The following GPR137B variants were observed in gnomAD, a reference collection of about 807,000 sequenced individuals.
GPR137B encodes the protein G protein-coupled receptor 137B.
In GPR137B, 42 loss-of-function variants were observed where a neutral mutation model predicts 42.5. The observed-to-expected ratio is 0.99, with a 90% confidence interval of 0.77 to 1.28. GPR137B has a LOEUF of 1.28. GPR137B is among the 50% of genes most tolerant of loss of function. The pLI, the probability that GPR137B is intolerant of heterozygous loss-of-function variation, is 0.00. For missense variants in GPR137B, 487 were observed against 493.9 expected, an observed-to-expected ratio of 0.99 and a Z score of 0.13; for synonymous variants, 218 against 209.7, an observed-to-expected ratio of 1.04 and a Z score of -0.34.
chr1:236,172,686 CCT>C (rs1491328021), intron 2 of GPR137B, among the ~76,000 whole-genome samples: 23 of 147,462 alleles, frequency 1.6e-4, no homozygotes, highest in Admixed American at 4.7e-4. Context: ...GCCAGGTTTT[CCT>C]TTTTTTTTTT....
At chr1:236,154,171 C>T (rs758091445) in intron 1 of GPR137B, among the ~76,000 whole-genome samples, 2 of 152,182 alleles carry the variant, frequency 1.3e-5, no homozygotes, top group East Asian at 1.9e-4. Flanking sequence ...CCCCAGACTC[C>T]GTGTCCTCCT....
At chr1:236,170,602 G>C (rs1455522245) in intron 2 of GPR137B, among the ~76,000 whole-genome samples, 1 of 152,198 alleles carries the variant, frequency 6.6e-6, no homozygotes, top group African/African-American at 2.4e-5. Context: ...GCAATTTAAA[G>C]TACAGGTTGA....
intron 1 of GPR137B, among the ~76,000 whole-genome samples, chr1:236,151,229 C>A (rs984279250): frequency 5.9e-5 from 9 of 152,044 alleles, no homozygotes; most frequent in Admixed American, 2.0e-4. Flanking sequence ...ACAGGCATTC[C>A]CCGAGGGCTG....
Position 236,142,741 on chromosome 1 carries a change from A to G in GPR137B, c.119A>G (p.Tyr40Cys), listed in dbSNP as rs777478871. ...ACGCTGACCCCGGCCGTGCCCCCCT[A>G]CGTGAAGCTTGGCCTCACCGTCGTC... ...PPTLTPAVPP[Y>C]VKLGLTVVYT... Residue 40 changes from tyrosine to cysteine, a missense_variant, in exon 1 of 7, where the codon TAC becomes TGC. By Grantham distance (194) the Tyr-to-Cys change is radical. Transcript: ENST00000366592. 5.6e-6 allele frequency: 9 copies of G among 1,602,652 alleles called. No homozygotes were observed. Among genetic ancestry groups the G allele is most frequent in the African/African-American group, 1.4e-5 (1 of 72,150 alleles).
chr1:236,144,417 C>A (rs911673493), intron 1 of GPR137B, among the ~76,000 whole-genome samples: 4 of 150,534 alleles, frequency 2.7e-5, no homozygotes, highest in African/African-American at 9.8e-5. Context: ...CTCAAAAAAA[C>A]AAACGAACAA....
chr1:236,167,501 CAG>C (rs1173516995), intron 1 of GPR137B, among the ~76,000 whole-genome samples: 1 of 152,116 alleles, frequency 6.6e-6, no homozygotes, highest in Non-Finnish European at 1.5e-5. Flanking sequence ...TGGTGGTTGT[CAG>C]GGGCTGGGGG....
intron 1 of GPR137B, among the ~76,000 whole-genome samples, chr1:236,163,197 A>G (rs1054393457): frequency 1.3e-5 from 2 of 152,184 alleles, no homozygotes; most frequent in African/African-American, 4.8e-5. Context: ...TCAGACTTGC[A>G]TGGGCCCTGT....
chr1:236,178,152 C>T (rs987980688), intron 2 of GPR137B, among the ~76,000 whole-genome samples: 8 of 152,138 alleles, frequency 5.3e-5, no homozygotes, highest in Admixed American at 1.3e-4. Flanking sequence ...CGAGTGTCCA[C>T]GCCAGCCAAC....
chr1:236,153,576 G>T (rs1194750949), intron 1 of GPR137B, among the ~76,000 whole-genome samples: 3 of 152,198 alleles, frequency 2.0e-5, no homozygotes, highest in Non-Finnish European at 4.4e-5. Context: ...CTTGTTGTGT[G>T]CCAGACACTG....
chr1:236,185,354 G>A (rs56719048), intron 5 of GPR137B, among the ~76,000 whole-genome samples: 12,422 of 152,162 alleles, frequency 0.082, 1,476 homozygotes, highest in African/African-American at 0.26. Flanking sequence ...ATTAGAGCCA[G>A]ACTTCAGAGT....
chr1:236,168,730 TATTCTCCAGA>T lies in GPR137B; in HGVS notation c.443_452del (p.Ser148TyrfsTer22). 1.1e-5 allele frequency: 17 copies of T among 1,612,738 alleles called. No individual in the cohort carries two copies. Among genetic ancestry groups the T allele is most frequent in the Non-Finnish European group, 1.4e-5 (17 of 1,178,712 alleles). On this transcript the variant is annotated frameshift_variant, in exon 2 of 7. Transcript: ENST00000366592. LOFTEE classifies it high-confidence loss of function. ...GGTGATTTTCAAAGCCAAGTCAAAA[TATTCTCCAGA>T]ATTACTCAAATACCGGTAAGTACTG...
intron 1 of GPR137B, among the ~76,000 whole-genome samples, chr1:236,161,313 C>G (rs956705865): frequency 8.5e-5 from 13 of 152,120 alleles, no homozygotes; most frequent in African/African-American, 3.1e-4. Flanking sequence ...CACCCCAGCC[C>G]GACCTTCTGC....
chr1:236,187,692 T>TCTGTTTTGGTACCAGTACCATG (rs563549438), intron 5 of GPR137B, among the ~76,000 whole-genome samples: 19,704 of 122,160 alleles, frequency 0.16, 1,871 homozygotes, highest in East Asian at 0.4. Flanking sequence ...GGTCTATATA[T>TCTGTTTTGGTACCAGTACCATG]CTGTTTTGGT....
intron 6 of GPR137B, among the ~76,000 whole-genome samples, chr1:236,206,728 T>C (rs906501496): frequency 3.3e-5 from 5 of 152,228 alleles, no homozygotes; most frequent in Non-Finnish European, 5.9e-5. Context: ...GTAGTTGCTA[T>C]TGGGATTCCC....
chr1:236,195,128 TTTAG>T (rs1448326063), intron 5 of GPR137B, among the ~76,000 whole-genome samples: 1 of 152,182 alleles, frequency 6.6e-6, no homozygotes, highest in Non-Finnish European at 1.5e-5. Flanking sequence ...ATCACACTCT[TTTAG>T]TTATTTTAAA....
At chr1:236,178,791 T>G (rs1183710993) in intron 3 of GPR137B, among the ~76,000 whole-genome samples, 155 bp downstream of exon 3, 1,451 of 66,448 alleles carry the variant, frequency 0.022, 134 homozygotes, top group African/African-American at 0.073. Flanking sequence ...CGAGGTTTTT[T>G]TTTTTTTTTT....
chr1:236,165,519 A>G (rs1662325241), intron 1 of GPR137B, among the ~76,000 whole-genome samples: 2 of 152,066 alleles, frequency 1.3e-5, no homozygotes, highest in South Asian at 4.1e-4. Context: ...ATCTGTGTTC[A>G]TGTTCATGGG....
intron 6 of GPR137B, chr1:236,207,252 A>G: frequency 4.1e-6 from 4 of 985,396 alleles, no homozygotes; most frequent in Non-Finnish European, 4.8e-6. Flanking sequence ...AAAGCTGCCC[A>G]ATGCGCTGAG....
chr1:236,174,541 T>G (rs1168498813), intron 2 of GPR137B, among the ~76,000 whole-genome samples: 1 of 152,122 alleles, frequency 6.6e-6, no homozygotes, highest in Non-Finnish European at 1.5e-5. Flanking sequence ...ACAGGAGGCA[T>G]GGATAGAGTG....
Sources: gnomAD v4.1 joint callset for allele counts (sites outside exome capture counted in the v4.1 genomes callset) on GRCh38, gnomAD v4.1.1 for gene constraint, MANE v1.5 for transcripts, NCBI Gene and HGNC (gene_info 2026-07-23, HGNC 2026-07-21) for gene names.